The following GRIK1 variants were observed in gnomAD, a reference collection of about 807,000 sequenced individuals.
GRIK1 encodes glutamate ionotropic receptor kainate type subunit 1, also known as glutamate receptor ionotropic, kainate 1.
Under a neutral mutation model 105.7 loss-of-function variants are expected in GRIK1, and 69 were observed. The ratio of observed to expected loss-of-function variants is 0.65; its 90% CI spans 0.54 to 0.80. The LOEUF (loss-of-function observed/expected upper bound fraction) is 0.80, where lower values mean the gene tolerates loss of function less well. Among genes scored for constraint, GRIK1 ranks in the 30% least tolerant of loss-of-function variants. GRIK1 has a pLI of 0.00. For synonymous variants in GRIK1, 438 were observed against 431.3 expected, an observed-to-expected ratio of 1.02 and a Z score of -0.19; for missense variants, 1,109 against 1,167.3, an observed-to-expected ratio of 0.95 and a Z score of 0.73.
intron 1 of GRIK1, among the ~76,000 whole-genome samples, chr21:29,937,125 C>T (rs1173744402): frequency 6.6e-6 from 1 of 152,166 alleles, no homozygotes; most frequent in African/African-American, 2.4e-5. Context: ...TTGGCTTAGT[C>T]CCCAACCCCT....
At chr21:29,634,959 A>G (rs796426375) in intron 7 of GRIK1, among the ~76,000 whole-genome samples, 6 of 152,222 alleles carry the variant, frequency 3.9e-5, no homozygotes, top group African/African-American at 9.6e-5. Flanking sequence ...CACTTTGCTT[A>G]TATGTGGACA....
At position 29,939,631 on chromosome 21, in the gene GRIK1, C is replaced by CGTGG; in HGVS notation, c.-132_-131insCCAC. 1 of 591,178 alleles carries CGTGG rather than the reference C, an allele frequency of 1.7e-6. No homozygotes were observed. The highest frequency in any genetic ancestry group is 2.9e-6 in the Non-Finnish European group (1 of 348,948). The allele number at this position is 591,178 out of a possible 1,614,324, so 36.6% of individuals were successfully genotyped here. A position where few individuals can be genotyped will look rare whatever the true frequency, so the allele number is the denominator to read the frequency against. On this transcript the variant is annotated 5_prime_UTR_variant, in exon 1 of 18. Coordinates refer to ENST00000327783, the MANE Select transcript of GRIK1 (RefSeq NM_001330994.2). ...TTCCAAGCACGCTGCGCGCTCCCCA[C>CGTGG]GGAGCGAGCTCGAGGGAACCCGCGT...
At chr21:29,736,447 T>C (rs780251817) in intron 1 of GRIK1, among the ~76,000 whole-genome samples, 14 of 152,236 alleles carry the variant, frequency 9.2e-5, no homozygotes, top group Non-Finnish European at 1.8e-4. Flanking sequence ...CAGGCTGGTT[T>C]GGAACTCCTG....
chr21:29,538,302 G>A (rs1052638194), intron 16 of GRIK1, among the ~76,000 whole-genome samples: 1 of 152,096 alleles, frequency 6.6e-6, no homozygotes, highest in Admixed American at 6.6e-5. Context: ...ATCCTCTAGT[G>A]ATATGAGCCA....
rs1182291801 is a variant in GRIK1, at chr21:29,558,625, G to A, written c.2356+2999C>T. ...TCTTTTCATCTAGGAAGTGGGGAAG[G>A]CTTTTCAACTTTGGAACTTGGGTGA... is the stretch of plus-strand genomic sequence containing the variant. On this transcript the variant is annotated intron_variant, in intron 15 of 17. Transcript: ENST00000327783. 2.0e-5 allele frequency among the ~76,000 whole-genome samples: 3 copies of A among 151,460 alleles called. No homozygotes were observed. In the East Asian group the frequency reaches 5.8e-4, roughly 29 times the overall value.
At position 29,560,501 on chromosome 21, in the gene GRIK1, TTCCTTCCTTCC is replaced by T. The variant is rs1228650734; in HGVS notation, c.2356+1112_2356+1122del. Among the ~76,000 whole-genome samples the T allele has an allele frequency of 9.1e-3, 116 of 12,730 alleles. 9 individuals are homozygous for T. Among genetic ancestry groups the T allele is most frequent in the African/African-American group, 0.016 (40 of 2,548 alleles). The allele number at this position is 12,730 out of a possible 152,430, so 8.4% of individuals were successfully genotyped here. ...TCTCTCCCTTTCTTTCTTTCTTTCC[TTCCTTCCTTCC>T]TTCCTTCCTTTCTTTCTTTCTTTCT... is the stretch of plus-strand genomic sequence containing the variant. On this transcript the variant is annotated intron_variant, in intron 15 of 17. Transcript: ENST00000327783.
chr21:29,881,114 T>A (rs982604397), intron 1 of GRIK1, among the ~76,000 whole-genome samples: 2 of 152,154 alleles, frequency 1.3e-5, no homozygotes, highest in African/African-American at 4.8e-5. Context: ...CTGTAAATAA[T>A]CAATACATGT....
intron 7 of GRIK1, among the ~76,000 whole-genome samples, chr21:29,618,169 G>T (rs2061894742): frequency 6.6e-6 from 1 of 152,150 alleles, no homozygotes; most frequent in South Asian, 2.1e-4. Context: ...GGTTCCCATA[G>T]TTTCCTGCAA....
At chr21:29,851,663 G>A (rs1175741481) in intron 1 of GRIK1, among the ~76,000 whole-genome samples, 1 of 152,176 alleles carries the variant, frequency 6.6e-6, no homozygotes. Flanking sequence ...AACTTCATGA[G>A]CTATGAGGAG....
intron 1 of GRIK1, among the ~76,000 whole-genome samples, chr21:29,733,087 G>T (rs890079478): frequency 6.6e-6 from 1 of 152,074 alleles, no homozygotes; most frequent in Non-Finnish European, 1.5e-5. Context: ...AGATGCTTTT[G>T]CAGTGCTGTT....
intron 5 of GRIK1, among the ~76,000 whole-genome samples, chr21:29,653,379 G>T (rs1485426880): frequency 6.6e-6 from 1 of 152,198 alleles, no homozygotes; most frequent in Non-Finnish European, 1.5e-5. Context: ...AAGAATGTCA[G>T]AAGTCTAAAA....
chr21:29,745,944 A>C (rs528482254), intron 1 of GRIK1, among the ~76,000 whole-genome samples: 33 of 152,250 alleles, frequency 2.2e-4, no homozygotes, highest in African/African-American at 7.7e-4. Context: ...TCTACTAAAA[A>C]TACAAAAAAA....
intron 1 of GRIK1, among the ~76,000 whole-genome samples, chr21:29,828,003 GTCTC>G (rs1210293030): frequency 1.8e-5 from 1 of 56,490 alleles, no homozygotes; most frequent in Non-Finnish European, 4.6e-5. Context: ...CTCTCTCTCT[GTCTC>G]TCTCTGTGTG....
chr21:29,840,801 C>A (rs2067956807), intron 1 of GRIK1, among the ~76,000 whole-genome samples: 1 of 151,980 alleles, frequency 6.6e-6, no homozygotes, highest in Non-Finnish European at 1.5e-5. Context: ...AAGGCTGAAT[C>A]CAAAAATAAT....
At position 29,537,029 on chromosome 21, in the gene GRIK1, A is replaced by C. The variant is rs536205735; in HGVS notation, c.*201T>G. 2 of 358,156 alleles carry C rather than the reference A, an allele frequency of 5.6e-6. No homozygotes were observed. The highest frequency in any genetic ancestry group is 1.0e-5 in the Non-Finnish European group (2 of 199,762). 22.2% of individuals were successfully genotyped at this position (358,156 alleles called of 1,614,324 possible). ...AAAATGCAAAATAATTGAGCATACA[A>C]ATTTATTTTAAAAGAACTGGTGTCA... On this transcript the variant is annotated 3_prime_UTR_variant, in exon 18 of 18. Transcript: ENST00000327783.
At chr21:29,872,710 G>A (rs540691691) in intron 1 of GRIK1, among the ~76,000 whole-genome samples, 1 of 152,190 alleles carries the variant, frequency 6.6e-6, no homozygotes, top group African/African-American at 2.4e-5. Context: ...TTATATGGTG[G>A]CAGGCAAAAG....
intron 7 of GRIK1, among the ~76,000 whole-genome samples, chr21:29,613,409 A>T (rs2063697134): frequency 6.6e-6 from 1 of 152,196 alleles, no homozygotes; most frequent in South Asian, 2.1e-4. Flanking sequence ...AGTTAGCTTT[A>T]AAAAAGAAGA....
At chr21:29,601,616 C>T (rs1374396629) in intron 7 of GRIK1, among the ~76,000 whole-genome samples, 1 of 152,216 alleles carries the variant, frequency 6.6e-6, no homozygotes, top group East Asian at 1.9e-4. Context: ...CTCTCCATCT[C>T]CTATCCAGCC....
intron 1 of GRIK1, among the ~76,000 whole-genome samples, chr21:29,853,982 AT>A (rs1348790849): frequency 5.3e-5 from 8 of 152,208 alleles, no homozygotes; most frequent in Admixed American, 4.6e-4. Context: ...CCCCCATGAC[AT>A]CTGAGCAAAG....
Sources: allele counts gnomAD v4.1 joint callset (sites outside exome capture counted in the v4.1 genomes callset), GRCh38; gene constraint gnomAD v4.1.1; transcripts MANE v1.5; gene names NCBI Gene and HGNC (gene_info 2026-07-23, HGNC 2026-07-21).